The following CDKAL1 variants were observed in gnomAD, a reference collection of about 807,000 sequenced individuals.
CDKAL1 encodes CDKAL1 threonylcarbamoyladenosine tRNA methylthiotransferase.
Under a neutral mutation model 68.2 loss-of-function variants are expected in CDKAL1, and 32 were observed. The ratio of observed to expected loss-of-function variants is 0.47; its 90% CI spans 0.35 to 0.63. The LOEUF (loss-of-function observed/expected upper bound fraction) is 0.63. Ranked by LOEUF, CDKAL1 falls within the 30% of genes least tolerant of loss-of-function variation. The pLI is 0.00. For missense variants in CDKAL1, 606 were observed against 696.7 expected (o/e 0.87, Z 1.47); for synonymous variants, 234 against 244.3 (o/e 0.96, Z 0.39).
At chr6:20,792,771 T>A (rs796737307) in intron 8 of CDKAL1, among the ~76,000 whole-genome samples, 20 of 152,348 alleles carry the variant, frequency 1.3e-4, no homozygotes, top group African/African-American at 4.6e-4. Flanking sequence ...CATCTCTATG[T>A]ATCTGAAAAT....
At chr6:20,557,898 G>A (rs567088020) in intron 4 of CDKAL1, among the ~76,000 whole-genome samples, 2 of 152,314 alleles carry the variant, frequency 1.3e-5, no homozygotes, top group Admixed American at 1.3e-4. Context: ...CTGCACTCCA[G>A]CTTGGGTGAC....
At chr6:20,721,680 A>G (rs1302804926) in intron 5 of CDKAL1, among the ~76,000 whole-genome samples, 1 of 150,078 alleles carries the variant, frequency 6.7e-6, no homozygotes, top group Non-Finnish European at 1.5e-5. Context: ...ATTCCCACCA[A>G]CAGTGCGTAA....
chr6:21,223,949 C>T (rs764415674), intron 15 of CDKAL1, among the ~76,000 whole-genome samples: 1 of 152,194 alleles, frequency 6.6e-6, no homozygotes, highest in Non-Finnish European at 1.5e-5. Flanking sequence ...CAGCCAGCCA[C>T]ACAGTCTCCT....
intron 9 of CDKAL1, among the ~76,000 whole-genome samples, chr6:20,913,565 A>T (rs772981770): frequency 2.6e-4 from 40 of 152,212 alleles, no homozygotes; most frequent in Non-Finnish European, 1.0e-4. Flanking sequence ...CACAGCAGAC[A>T]GGTTTCTGGC....
intron 9 of CDKAL1, among the ~76,000 whole-genome samples, chr6:20,901,699 A>AAAAAAAAG (rs1554137984): frequency 1.6e-4 from 12 of 75,970 alleles, no homozygotes; most frequent in Non-Finnish European, 2.1e-4. Context: ...AAAAAAAAAA[A>AAAAAAAAG]AAAAGAAAAG....
intron 12 of CDKAL1, among the ~76,000 whole-genome samples, chr6:21,093,998 C>T (rs1214278060): frequency 6.6e-6 from 1 of 150,678 alleles, no homozygotes; most frequent in Admixed American, 6.7e-5. Flanking sequence ...TACCAAAGTG[C>T]TGGGACTACA....
At chr6:21,138,033 AC>A (rs1775704787) in intron 13 of CDKAL1, among the ~76,000 whole-genome samples, 1 of 152,098 alleles carries the variant, frequency 6.6e-6, no homozygotes, top group Non-Finnish European at 1.5e-5. Context: ...TTTCCCTTTC[AC>A]ATTAACAAAG....
At chr6:21,183,018 T>C (rs1777850719) in intron 13 of CDKAL1, among the ~76,000 whole-genome samples, 3 of 152,228 alleles carry the variant, frequency 2.0e-5, no homozygotes, top group African/African-American at 7.2e-5. Flanking sequence ...CTAAAATTCA[T>C]GTATGCAAAG....
chr6:20,980,356 G>C (rs1766076139), intron 10 of CDKAL1, among the ~76,000 whole-genome samples: 1 of 151,966 alleles, frequency 6.6e-6, no homozygotes, highest in African/African-American at 2.4e-5. Context: ...TCCTGCCTCA[G>C]CCTCCAGAGT....
At chr6:20,988,260 T>G (rs1347991996) in intron 10 of CDKAL1, among the ~76,000 whole-genome samples, 2 of 150,896 alleles carry the variant, frequency 1.3e-5, no homozygotes, top group African/African-American at 4.9e-5. Flanking sequence ...TTTTGTTTAA[T>G]TTGAGCCCTC....
intron 13 of CDKAL1, among the ~76,000 whole-genome samples, chr6:21,157,523 T>C (rs1032766490): frequency 1.8e-4 from 28 of 152,252 alleles, no homozygotes; most frequent in Non-Finnish European, 3.2e-4. Flanking sequence ...CAAAGCCATA[T>C]GCTTGTGTTG....
intron 11 of CDKAL1, among the ~76,000 whole-genome samples, chr6:21,037,813 T>C (rs1027158655): frequency 1.3e-5 from 2 of 149,854 alleles, no homozygotes; most frequent in Non-Finnish European, 3.0e-5. Context: ...GATTTACATT[T>C]ACTTAATTTT....
chr6:20,590,743 A>G (rs557016530), intron 4 of CDKAL1, among the ~76,000 whole-genome samples: 1 of 152,128 alleles, frequency 6.6e-6, no homozygotes, highest in East Asian at 1.9e-4. Flanking sequence ...CATTTTCTTT[A>G]TCCAATCTAT....
intron 12 of CDKAL1, among the ~76,000 whole-genome samples, chr6:21,071,743 C>T (rs923934777): frequency 2.0e-5 from 3 of 152,036 alleles, no homozygotes; most frequent in Non-Finnish European, 2.9e-5. Context: ...TTTTATTTTG[C>T]TTCTGCCAGG....
chr6:20,887,943 T>TAA (rs55745423), intron 9 of CDKAL1, among the ~76,000 whole-genome samples: 4 of 149,754 alleles, frequency 2.7e-5, no homozygotes, highest in Non-Finnish European at 5.9e-5. Flanking sequence ...GGCTAATCTT[T>TAA]AAAAAAAAAA....
intron 4 of CDKAL1, among the ~76,000 whole-genome samples, chr6:20,602,033 T>C (rs1363751285): frequency 1.3e-5 from 2 of 152,180 alleles, no homozygotes; most frequent in East Asian, 1.9e-4. Context: ...TAATATAACA[T>C]TGAGAACTTG....
rs188778497 is a variant in CDKAL1, at chr6:20,785,816, G to T, written c.638+4551G>T. ...ATTTTTCATTTTTCGTTTAGGAAAAGGGTCCCATTTGTAGCAACTTTTATT... is the reference window on the plus strand; with the variant it reads ...ATTTTTCATTTTTCGTTTAGGAAAATGGTCCCATTTGTAGCAACTTTTATT... On this transcript the variant is annotated intron_variant, in intron 8 of 15. Coordinates refer to ENST00000274695, the MANE Select transcript of CDKAL1 (RefSeq NM_017774.3). Among the ~76,000 whole-genome samples the T allele has an allele frequency of 2.6e-5, 4 of 152,228 alleles. No individual in the cohort carries two copies. In the East Asian group the frequency reaches 7.7e-4, roughly 29 times the overall value.
At chr6:20,961,715 T>C (rs1485798300) in intron 10 of CDKAL1, among the ~76,000 whole-genome samples, 2 of 148,296 alleles carry the variant, frequency 1.3e-5, no homozygotes, top group Non-Finnish European at 1.5e-5. Flanking sequence ...TGCAGTGAGC[T>C]GAGATCGCAC....
At chr6:21,184,952 C>T (rs1195010327) in intron 13 of CDKAL1, among the ~76,000 whole-genome samples, 3 of 151,898 alleles carry the variant, frequency 2.0e-5, no homozygotes, top group African/African-American at 7.2e-5. Context: ...CAGGGTGAGC[C>T]ACAGTACCCA....
Sources: gnomAD v4.1 joint callset for allele counts (sites outside exome capture counted in the v4.1 genomes callset) on GRCh38, gnomAD v4.1.1 for gene constraint, MANE v1.5 for transcripts, NCBI Gene and HGNC (gene_info 2026-07-23, HGNC 2026-07-21) for gene names.